Variants in FOXK2 observed in about 807,000 individuals in gnomAD.
FOXK2 encodes forkhead box K2.
FOXK2 carries 24 observed loss-of-function variants against 53.3 expected under a neutral mutation model. The ratio of observed to expected loss-of-function variants is 0.45; its 90% CI spans 0.33 to 0.63. The LOEUF (loss-of-function observed/expected upper bound fraction) is 0.63. Ranked by LOEUF, FOXK2 falls within the 30% of genes least tolerant of loss-of-function variation. The pLI, the probability that FOXK2 is intolerant of heterozygous loss-of-function variation, is 0.03. For synonymous variants in FOXK2, 505 were observed against 407.1 expected, an observed-to-expected ratio of 1.24 and a Z score of -2.89; for missense variants, 952 against 910.5, an observed-to-expected ratio of 1.05 and a Z score of -0.59.
Position 82,587,056 on chromosome 17 carries a change from A to T in FOXK2, c.1577-7A>T, listed in dbSNP as rs557280408. ...TATTAATGTCGTTTCTTTTCCTTTA[A>T]TTTCAGTGAAAGTAGAGCCTATTCC... On this transcript the variant is annotated splice_polypyrimidine_tract_variant and splice_region_variant and intron_variant, in intron 7 of 8. Transcript: ENST00000335255. 1.7e-4 allele frequency: 272 copies of T among 1,611,690 alleles called. No homozygotes were observed. The African/African-American group carries it at 3.3e-3, about 20-fold the overall frequency.
At position 82,574,381 on chromosome 17, in the gene FOXK2, C is replaced by T. The variant is rs1328031123; in HGVS notation, c.909+2511C>T. 8.0e-5 allele frequency among the ~76,000 whole-genome samples: 12 copies of T among 149,736 alleles called. No individual in the cohort carries two copies. In the South Asian group the frequency reaches 1.1e-3, roughly 13 times the overall value. ...TGTTGCCCAGGCTGGAGTGCAATGG[C>T]GCGATCTCGGCTCACTGCAACCTCC... On this transcript the variant is annotated intron_variant, in intron 4 of 8. Coordinates refer to ENST00000335255, the MANE Select transcript of FOXK2 (RefSeq NM_004514.4).
chr17:82,551,374 A>C (rs1048124331), intron 1 of FOXK2, among the ~76,000 whole-genome samples: 87 of 150,900 alleles, frequency 5.8e-4, no homozygotes, highest in African/African-American at 2.0e-3. Flanking sequence ...ATGAGTTTTG[A>C]AGGATAAGAA....
At chr17:82,569,998 G>GGTTA in intron 3 of FOXK2, among the ~76,000 whole-genome samples, 1 of 150,612 alleles carries the variant, frequency 6.6e-6, no homozygotes, top group Non-Finnish European at 1.5e-5. Flanking sequence ...CAAGGTGGGC[G>GGTTA]GATCACGAGG....
chr17:82,586,120 A>G lies in FOXK2; in HGVS notation c.1496A>G (p.Gln499Arg), dbSNP rs530638652. The change falls in exon 7 of 9, where the codon CAA becomes CGA. Residue 499 changes from glutamine (Q) to arginine (R), a missense_variant. Gln to Arg is a conservative substitution (Grantham distance 43). This residue lies in a region of FOXK2 where 551 missense variants were observed against 385.1 expected (regional missense o/e 1.43). Coordinates refer to ENST00000335255, the MANE Select transcript of FOXK2 (RefSeq NM_004514.4). ...APANTYTVSG[Q>R]AVVTPAAVLA... ...GCGAACACGTACACTGTCTCTGGAC[A>G]AGCTGTGGTCACCCCGGCAGCCGTG... 6.2e-7 allele frequency: 1 copy of G among 1,612,644 alleles called. No homozygotes were observed. The highest frequency in any genetic ancestry group is 1.1e-5 in the South Asian group (1 of 91,074).
intron 2 of FOXK2, 60 bp downstream of exon 2, chr17:82,563,608 C>A: frequency 6.8e-7 from 1 of 1,466,014 alleles, no homozygotes; most frequent in Non-Finnish European, 9.2e-7. Flanking sequence ...CCCCAAGTAA[C>A]GCCTTTCTCC....
chr17:82,541,755 G>C (rs2044576922), intron 1 of FOXK2, among the ~76,000 whole-genome samples: 1 of 152,008 alleles, frequency 6.6e-6, no homozygotes, highest in Non-Finnish European at 1.5e-5. Context: ...TTGTTGCCCA[G>C]GCTGGAGTGC....
At chr17:82,561,295 T>A (rs1340537576) in intron 1 of FOXK2, among the ~76,000 whole-genome samples, 5 of 151,934 alleles carry the variant, frequency 3.3e-5, no homozygotes, top group Non-Finnish European at 7.4e-5. Context: ...ACCCCCAGTG[T>A]TGATGCATAT....
chr17:82,546,067 G>T (rs1385756801), intron 1 of FOXK2, among the ~76,000 whole-genome samples: 3 of 149,172 alleles, frequency 2.0e-5, no homozygotes, highest in African/African-American at 7.4e-5. Flanking sequence ...AATGACTAAT[G>T]ATGTTGAAGA....
intron 1 of FOXK2, among the ~76,000 whole-genome samples, chr17:82,541,493 C>T (rs1401512645): frequency 3.3e-5 from 5 of 151,996 alleles, no homozygotes; most frequent in Non-Finnish European, 5.9e-5. Flanking sequence ...AGGCTGGTCT[C>T]GAACTCCTGA....
chr17:82,554,581 G>A (rs1358882865), intron 1 of FOXK2, among the ~76,000 whole-genome samples: 1 of 152,044 alleles, frequency 6.6e-6, no homozygotes, highest in African/African-American at 2.4e-5. Context: ...CTTTACTTAG[G>A]GATTTGCCAT....
intron 8 of FOXK2, among the ~76,000 whole-genome samples, chr17:82,590,344 T>C (rs2045240557): frequency 6.6e-6 from 1 of 152,042 alleles, no homozygotes; most frequent in Admixed American, 6.6e-5. Context: ...ATTTGGGAGG[T>C]AGTGTCTCAC....
intron 1 of FOXK2, among the ~76,000 whole-genome samples, chr17:82,544,570 TG>T (rs1199201143): frequency 3.3e-5 from 5 of 152,206 alleles, no homozygotes; most frequent in African/African-American, 1.2e-4. Flanking sequence ...TGAGCATTTC[TG>T]TTGCTGAACT....
intron 4 of FOXK2, chr17:82,577,498 A>C (rs2045003253): frequency 3.4e-6 from 1 of 294,868 alleles, no homozygotes; most frequent in Non-Finnish European, 6.4e-6. Flanking sequence ...CGGCGTGCTC[A>C]CTGCCCAGTC....
At chr17:82,557,620 C>T (rs2044744537) in intron 1 of FOXK2, among the ~76,000 whole-genome samples, 1 of 152,152 alleles carries the variant, frequency 6.6e-6, no homozygotes, top group Non-Finnish European at 1.5e-5. Flanking sequence ...CTGAGGATTA[C>T]AGGTGTGAGC....
chr17:82,589,332 G>A (rs933944207), intron 8 of FOXK2, among the ~76,000 whole-genome samples: 1 of 152,074 alleles, frequency 6.6e-6, no homozygotes, highest in Non-Finnish European at 1.5e-5. Flanking sequence ...AACAGGTTTT[G>A]TACGAGTCAC....
At position 82,585,960 on chromosome 17, in the gene FOXK2, G is replaced by A. The variant is rs139089969; in HGVS notation, c.1336G>A (p.Ala446Thr). The change falls in exon 7 of 9, where the codon GCC becomes ACC. Residue 446 changes from alanine (A) to threonine (T), a missense_variant. This residue lies in a region of FOXK2 where 551 missense variants were observed against 385.1 expected (regional missense o/e 1.43). Transcript: ENST00000335255. ...CACCGTCCAGCGGCAGCTACCACAG[G>A]CCATCAAGCCTGTCACCTACACTGT... ...LITVQRQLPQ[A>T]IKPVTYTVAT... 8 of 1,612,614 alleles carry A rather than the reference G, an allele frequency of 5.0e-6. No individual in the cohort carries two copies. The highest frequency in any genetic ancestry group is 1.3e-5 in the African/African-American group (1 of 74,920).
At chr17:82,560,804 C>T (rs765703333) in intron 1 of FOXK2, among the ~76,000 whole-genome samples, 3 of 152,078 alleles carry the variant, frequency 2.0e-5, no homozygotes, top group Non-Finnish European at 4.4e-5. Flanking sequence ...TTGAGACCAG[C>T]CTGGGAAACA....
intron 8 of FOXK2, 167 bp downstream of exon 8, chr17:82,587,439 A>C (rs1461074082): frequency 1.5e-6 from 1 of 647,106 alleles, no homozygotes; most frequent in Non-Finnish European, 2.7e-6. Context: ...GTGGTCGTGG[A>C]GTCGGCCGTC....
intron 8 of FOXK2, among the ~76,000 whole-genome samples, chr17:82,588,906 C>G (rs1001040316): frequency 3.8e-5 from 3 of 79,448 alleles, no homozygotes; most frequent in Non-Finnish European, 5.4e-5. Context: ...AAAAAAAAAA[C>G]AAATTAGCCG....
Sources: allele counts gnomAD v4.1 joint callset (sites outside exome capture counted in the v4.1 genomes callset), GRCh38; gene constraint gnomAD v4.1.1; regional missense constraint gnomAD v4.1.1; transcripts MANE v1.5; gene names NCBI Gene and HGNC (gene_info 2026-07-23, HGNC 2026-07-21).